Variants in BRSK2 observed in about 807,000 individuals in gnomAD.
BRSK2 encodes serine/threonine-protein kinase BRSK2.
In BRSK2, 19 loss-of-function variants were observed where a neutral mutation model predicts 83.3. That is an observed-to-expected ratio of 0.23 (90% CI 0.16 to 0.33). BRSK2 has a LOEUF of 0.33. Among genes scored for constraint, BRSK2 ranks in the 10% least tolerant of loss-of-function variants. The pLI, the probability that BRSK2 is intolerant of heterozygous loss-of-function variation, is 1.00. For synonymous variants in BRSK2, 519 were observed against 435.4 expected, an observed-to-expected ratio of 1.19 and a Z score of -2.39; for missense variants, 798 against 1,042.3, an observed-to-expected ratio of 0.77 and a Z score of 3.23.
intron 19 of BRSK2, 78 bp from the exon 20 acceptor site, chr11:1,460,415 TCCTTCCC>T: frequency 1.0e-6 from 1 of 952,552 alleles, no homozygotes; most frequent in Non-Finnish European, 1.4e-6. Flanking sequence ...TCTTTCTCTC[TCCTTCCC>T]TCCCCTCCTC....
chr11:1,459,055 A>AT, intron 18 of BRSK2, 137 bp from the exon 19 acceptor site: 2 of 612,202 alleles, frequency 3.3e-6, no homozygotes, highest in Admixed American at 2.4e-5. Flanking sequence ...CCCCCCCAGT[A>AT]TTCCCCACCC....
intron 1 of BRSK2, chr11:1,411,755 T>G (rs1294213675): frequency 7.3e-7 from 1 of 1,376,556 alleles, no homozygotes. Flanking sequence ...CTGCACCTGC[T>G]GGGAGGGCCA....
chr11:1,410,722 C>A, intron 1 of BRSK2: 1 of 985,194 alleles, frequency 1.0e-6, no homozygotes, highest in Non-Finnish European at 1.2e-6. Context: ...TAGGGTGGGA[C>A]CATGGGGGAG....
Position 1,438,365 on chromosome 11 carries a change from C to G in BRSK2, c.246C>G (p.His82Gln). 1 of 1,614,066 alleles carries G rather than the reference C, an allele frequency of 6.2e-7. No individual in the cohort carries two copies. Among genetic ancestry groups the G allele is most frequent in the Non-Finnish European group, 8.5e-7 (1 of 1,179,950 alleles). Residue 82 changes from histidine to glutamine, a missense_variant, in exon 3 of 20, where the codon CAC becomes CAG. Physicochemically the swap from His to Gln is conservative, Grantham distance 24. Around this residue, in one of 6 missense-constraint regions of BRSK2, gnomAD observed 109 missense variants for 259.2 expected, o/e 0.42. Transcript: ENST00000528841. This position sits in a 1 kb window ranked among gnomAD's most constrained non-coding sequence, Gnocchi z 6.4. ...AGCACCCCCACGTCCTAAAGCTGCA[C>G]GACGTTTATGAAAACAAAAAATATT... ...LIEHPHVLKL[H>Q]DVYENKKYLY...
intron 1 of BRSK2, among the ~76,000 whole-genome samples, chr11:1,433,502 G>A (rs752559521): frequency 6.6e-5 from 10 of 152,256 alleles, no homozygotes; most frequent in Non-Finnish European, 1.2e-4. Context: ...GGGGCTCCAT[G>A]CCCTTCGGAC....
intron 1 of BRSK2, among the ~76,000 whole-genome samples, chr11:1,429,301 T>C: frequency 9.3e-6 from 1 of 107,556 alleles, no homozygotes; most frequent in African/African-American, 5.3e-5. Flanking sequence ...TGGGCGTGTG[T>C]CCTGGGTGTG....
intron 1 of BRSK2, among the ~76,000 whole-genome samples, chr11:1,412,579 G>C (rs1035011292): frequency 2.0e-5 from 3 of 152,222 alleles, no homozygotes; most frequent in African/African-American, 7.2e-5. Context: ...GCGGGGCCGA[G>C]GGAGCAGGCG....
chr11:1,456,498 A>T lies in BRSK2; in HGVS notation c.1819A>T (p.Ile607Phe). The change falls in exon 17 of 20, where the codon ATC becomes TTC. Residue 607 changes from isoleucine (I) to phenylalanine (F), a missense_variant. Ile to Phe is a conservative substitution (Grantham distance 21). Around this residue, in one of 6 missense-constraint regions of BRSK2, gnomAD observed 455 missense variants for 455.2 expected, o/e 1.00. Coordinates refer to ENST00000528841, the MANE Select transcript of BRSK2 (RefSeq NM_001256627.2). ...EGGEAQKENG[I>F]YSVTFTLLSG... ...TGGGGAGGCGCAGAAGGAGAACGGC[A>T]TCTACTCCGTCACCTTCACCCTGCT... 6.3e-7 allele frequency: 1 copy of T among 1,577,012 alleles called. No individual in the cohort carries two copies. Among genetic ancestry groups the T allele is most frequent in the Non-Finnish European group, 8.6e-7 (1 of 1,160,494 alleles).
chr11:1,391,037 C>T (rs758256872), intron 1 of BRSK2, among the ~76,000 whole-genome samples: 3 of 152,180 alleles, frequency 2.0e-5, no homozygotes, highest in Non-Finnish European at 4.4e-5. Flanking sequence ...TGGAGCAGCC[C>T]CGCGGCCTGC....
At chr11:1,424,609 C>T (rs934151674) in intron 1 of BRSK2, among the ~76,000 whole-genome samples, 7 of 152,222 alleles carry the variant, frequency 4.6e-5, no homozygotes, top group African/African-American at 1.7e-4. Flanking sequence ...GACGGGACAG[C>T]CACACACCTG....
At chr11:1,393,258 C>T (rs982952559) in intron 1 of BRSK2, among the ~76,000 whole-genome samples, 1 of 150,630 alleles carries the variant, frequency 6.6e-6, no homozygotes, top group Admixed American at 6.7e-5. Context: ...CGCCTTTGTC[C>T]CTGTGCCCCA....
At chr11:1,414,038 C>G (rs1163151100) in intron 1 of BRSK2, among the ~76,000 whole-genome samples, 1 of 152,228 alleles carries the variant, frequency 6.6e-6, no homozygotes, top group Non-Finnish European at 1.5e-5. Context: ...TATATAACTG[C>G]GTTTTCTCCA....
chr11:1,459,439 G>C, intron 19 of BRSK2, 200 bp downstream of exon 19: 1 of 623,826 alleles, frequency 1.6e-6, no homozygotes, highest in East Asian at 2.8e-5. Context: ...AGCCCAGGCG[G>C]GGTTCCTGGC....
chr11:1,421,864 C>T (rs1157263393), intron 1 of BRSK2, among the ~76,000 whole-genome samples: 2 of 152,054 alleles, frequency 1.3e-5, no homozygotes, highest in South Asian at 2.1e-4. Context: ...GGTGGGAGAA[C>T]CCCCAGCCTG....
intron 1 of BRSK2, among the ~76,000 whole-genome samples, chr11:1,416,588 G>A (rs1848120468): frequency 6.6e-6 from 1 of 152,212 alleles, no homozygotes; most frequent in African/African-American, 2.4e-5. Context: ...TACTTTTGCT[G>A]AATGTAGAAT....
rs1311305426 is a variant in BRSK2 at position 1,454,766 on chromosome 11, G to A, written c.1668+158G>A. On this transcript the variant is annotated intron_variant, in intron 16 of 19. Coordinates refer to ENST00000528841, the MANE Select transcript of BRSK2 (RefSeq NM_001256627.2). This position sits in a 1 kb window ranked among gnomAD's most constrained non-coding sequence, Gnocchi z 5.2. The stretch of plus-strand genomic sequence containing the variant: ...CTGCCTGGCCGCCTTCACTGGACAG[G>A]CGCTCTCTCCTGCCCACCCTCGTGA... Among the ~76,000 whole-genome samples, 1 of 152,212 alleles carries A rather than the reference G, an allele frequency of 6.6e-6. No individual in the cohort carries two copies. The highest frequency in any genetic ancestry group is 1.9e-4 in the East Asian group (1 of 5,188).
chr11:1,451,388 A>T lies in BRSK2; in HGVS notation c.1513A>T (p.Met505Leu). 6.2e-7 allele frequency: 1 copy of T among 1,612,922 alleles called. No homozygotes were observed. The highest frequency in any genetic ancestry group is 8.5e-7 in the Non-Finnish European group (1 of 1,179,888). Residue 505 changes from methionine to leucine, a missense_variant, in exon 15 of 20, where the codon ATG becomes TTG. Met to Leu is a conservative substitution (Grantham distance 15). Around this residue, in one of 6 missense-constraint regions of BRSK2, gnomAD observed 455 missense variants for 455.2 expected, o/e 1.00. Transcript: ENST00000528841. The part of the protein sequence containing the change: ...RKLQVPTPEE[M>L]SNLTPESSPE... Reference sequence around the variant, plus strand: ...GTGCACAGTTCCGACGCCGGAGGAGATGTCCAACCTGACACCAGAGTCGTC... The same window carrying T: ...GTGCACAGTTCCGACGCCGGAGGAGTTGTCCAACCTGACACCAGAGTCGTC...
rs368573607 is a variant in BRSK2 at position 1,445,279 on chromosome 11, G to A, written c.813-15G>A. The A allele has an allele frequency of 1.9e-5, 30 of 1,598,862 alleles. No individual in the cohort carries two copies. Among genetic ancestry groups the A allele is most frequent in the East Asian group, 4.5e-5 (2 of 44,480 alleles). On this transcript the variant is annotated splice_polypyrimidine_tract_variant and intron_variant, in intron 9 of 19. Coordinates refer to ENST00000528841, the MANE Select transcript of BRSK2 (RefSeq NM_001256627.2). ...GCCGGAGCTGATGAGCGGGTGGCCC[G>A]TCCTGTGTCCACAGAGGGGGCAAGA...
At position 1,450,806 on chromosome 11, in the gene BRSK2, C is replaced by T; in HGVS notation, c.1495+12C>T. On this transcript the variant is annotated intron_variant, in intron 14 of 19. Coordinates refer to ENST00000528841, the MANE Select transcript of BRSK2 (RefSeq NM_001256627.2). ...CCGGAAACTGCAAGGTGAGTGTCTG[C>T]CCGGAGGCGCCAGAGTGGGGCTGGG... is the stretch of plus-strand genomic sequence containing the variant. 6.3e-7 allele frequency: 1 copy of T among 1,583,490 alleles called. No individual in the cohort carries two copies. Among genetic ancestry groups the T allele is most frequent in the South Asian group, 1.1e-5 (1 of 87,430 alleles).
Sources: allele counts gnomAD v4.1 joint callset (sites outside exome capture counted in the v4.1 genomes callset), GRCh38; gene constraint gnomAD v4.1.1; regional missense constraint gnomAD v4.1.1; non-coding constraint Gnocchi (gnomAD v3.1); transcripts MANE v1.5; gene names NCBI Gene and HGNC (gene_info 2026-07-23, HGNC 2026-07-21).